The following ADAP2 variants were observed in gnomAD, a reference collection of about 807,000 sequenced individuals.
ADAP2 encodes arf-GAP with dual PH domain-containing protein 2.
ADAP2 carries 42 observed loss-of-function variants against 54.9 expected under a neutral mutation model. The ratio of observed to expected loss-of-function variants is 0.77; its 90% CI spans 0.60 to 0.99. The LOEUF (loss-of-function observed/expected upper bound fraction) is 0.99. ADAP2 is among the 50% of genes least tolerant of loss of function. ADAP2 has a pLI of 0.00. For missense variants in ADAP2, 429 were observed against 480.4 expected, an observed-to-expected ratio of 0.89 and a Z score of 1.00; for synonymous variants, 177 against 180.1, an observed-to-expected ratio of 0.98 and a Z score of 0.14.
At chr17:30,957,653 A>T (rs1328236818) in intron 10 of ADAP2, among the ~76,000 whole-genome samples, 182 bp from the exon 11 acceptor site, 1 of 150,662 alleles carries the variant, frequency 6.6e-6, no homozygotes, top group African/African-American at 2.4e-5. Context: ...CTGGTCTCGA[A>T]CTCCTGAGCT....
chr17:30,927,445 C>G (rs1911141439), intron 3 of ADAP2, among the ~76,000 whole-genome samples: 1 of 151,784 alleles, frequency 6.6e-6, no homozygotes, highest in South Asian at 2.1e-4. Context: ...AAGCCTGTCT[C>G]TACTAAAAAT....
chr17:30,937,764 A>G (rs988370030), intron 5 of ADAP2, among the ~76,000 whole-genome samples: 2 of 152,208 alleles, frequency 1.3e-5, no homozygotes, highest in African/African-American at 4.8e-5. Context: ...ATCAAGGATG[A>G]TTCCCAGATT....
chr17:30,955,634 G>A lies in ADAP2; in HGVS notation c.883-607G>A, dbSNP rs372038951. Reference sequence around the variant, plus strand: ...AGGCAGGAGAATCGCTTGAAACCGGGAGGCAGAGGGTGCAGAGGGTGCATG... The same window carrying A: ...AGGCAGGAGAATCGCTTGAAACCGGAAGGCAGAGGGTGCAGAGGGTGCATG... On this transcript the variant is annotated intron_variant, in intron 9 of 10. Coordinates refer to ENST00000330889, the MANE Select transcript of ADAP2 (RefSeq NM_018404.3). Among the ~76,000 whole-genome samples, 10 of 151,874 alleles carry A rather than the reference G, an allele frequency of 6.6e-5. No individual in the cohort carries two copies. The South Asian group carries it at 1.9e-3, about 28-fold the overall frequency.
chr17:30,953,633 T>A (rs1169647233), intron 8 of ADAP2, among the ~76,000 whole-genome samples: 1 of 152,080 alleles, frequency 6.6e-6, no homozygotes, highest in Non-Finnish European at 1.5e-5. Flanking sequence ...GCCTCCCAGA[T>A]TCAAGCGATT....
At chr17:30,936,041 C>T (rs568298786) in intron 5 of ADAP2, among the ~76,000 whole-genome samples, 1 of 152,106 alleles carries the variant, frequency 6.6e-6, no homozygotes, top group Non-Finnish European at 1.5e-5. Context: ...ACACCTTATC[C>T]CTTAGCTGTA....
intron 9 of ADAP2, 112 bp downstream of exon 9, chr17:30,954,667 T>C: frequency 1.1e-6 from 1 of 890,926 alleles, no homozygotes; most frequent in Non-Finnish European, 1.8e-6. Context: ...GCCCCAGAGC[T>C]AGAGAAACCT....
chr17:30,957,227 G>C (rs907487685), intron 10 of ADAP2, among the ~76,000 whole-genome samples: 1 of 152,102 alleles, frequency 6.6e-6, no homozygotes, highest in Admixed American at 6.6e-5. Context: ...CTCAGAAAGG[G>C]ACTTGCAAAT....
At chr17:30,936,746 A>G (rs1448813369) in intron 5 of ADAP2, among the ~76,000 whole-genome samples, 1 of 152,068 alleles carries the variant, frequency 6.6e-6, no homozygotes, top group Non-Finnish European at 1.5e-5. Flanking sequence ...TACTTTCCCC[A>G]TATTTTAATT....
chr17:30,945,132 C>T, intron 6 of ADAP2, 79 bp downstream of exon 6: 5 of 1,505,810 alleles, frequency 3.3e-6, no homozygotes, highest in Non-Finnish European at 4.5e-6. Context: ...ACCTCCCCTG[C>T]TCACTGGTGC....
Position 30,936,630 on chromosome 17 carries a change from A to C in ADAP2, c.510+2333A>C, listed in dbSNP as rs113742005. On this transcript the variant is annotated intron_variant, in intron 5 of 10. Coordinates refer to ENST00000330889, the MANE Select transcript of ADAP2 (RefSeq NM_018404.3). ...GAAATGTCTATTCAGATCCTTTCCC[A>C]TATTGGCCGGGCGCGGTGGCTCACG... Among the ~76,000 whole-genome samples, 49 of 140,302 alleles carry C rather than the reference A, an allele frequency of 3.5e-4. 1 individual carries two copies. In the East Asian group the frequency reaches 7.0e-3, roughly 20 times the overall value. 92.0% of individuals were successfully genotyped at this position (140,302 alleles called of 152,430 possible).
At chr17:30,922,814 A>C in intron 1 of ADAP2, 126 bp from the exon 2 acceptor site, 1 of 1,123,786 alleles carries the variant, frequency 8.9e-7, no homozygotes, top group South Asian at 1.5e-5. Context: ...AGAAGGTGCC[A>C]GGCTGGCCGC....
At chr17:30,927,392 T>A (rs1911137128) in intron 3 of ADAP2, among the ~76,000 whole-genome samples, 1 of 151,920 alleles carries the variant, frequency 6.6e-6, no homozygotes, top group Admixed American at 6.6e-5. Flanking sequence ...AGCGGGCAGA[T>A]CACGAGGTCA....
chr17:30,949,706 G>A (rs560264834), intron 7 of ADAP2, among the ~76,000 whole-genome samples: 8 of 144,360 alleles, frequency 5.5e-5, no homozygotes, highest in Admixed American at 3.5e-4. Context: ...CCCAGATGGC[G>A]CCGCTGCACT....
intron 3 of ADAP2, among the ~76,000 whole-genome samples, chr17:30,928,267 G>A (rs986092348): frequency 6.6e-5 from 10 of 151,122 alleles, no homozygotes; most frequent in East Asian, 3.9e-4. Context: ...AGGCCGAGGC[G>A]GGCGGATCAC....
At chr17:30,924,926 G>A (rs901343711) in intron 2 of ADAP2, among the ~76,000 whole-genome samples, 29 of 148,896 alleles carry the variant, frequency 1.9e-4, no homozygotes, top group Admixed American at 6.1e-4. Context: ...AGGCTGGAGT[G>A]CAATGATGCG....
At chr17:30,944,235 G>T (rs1358597813) in intron 5 of ADAP2, among the ~76,000 whole-genome samples, 1 of 152,158 alleles carries the variant, frequency 6.6e-6, no homozygotes, top group Non-Finnish European at 1.5e-5. Flanking sequence ...TCTCAGCAAC[G>T]TGGATTGATC....
Position 30,930,762 on chromosome 17 carries a change from A to G in ADAP2, c.318-1127A>G, listed in dbSNP as rs141286357. On this transcript the variant is annotated intron_variant, in intron 3 of 10. Coordinates refer to ENST00000330889, the MANE Select transcript of ADAP2 (RefSeq NM_018404.3). ...GGTAAGGTCATATATACCTTGGAAC[A>G]CTTCCCTGGAAAAGGTGAGCAGGAA... 3.9e-5 allele frequency among the ~76,000 whole-genome samples: 6 copies of G among 152,276 alleles called. No individual in the cohort carries two copies. The East Asian group carries it at 1.2e-3, about 29-fold the overall frequency.
intron 5 of ADAP2, among the ~76,000 whole-genome samples, chr17:30,943,104 G>A (rs1218008001): frequency 6.6e-6 from 1 of 152,156 alleles, no homozygotes; most frequent in Non-Finnish European, 1.5e-5. Context: ...AGTGGCTCAC[G>A]CCTGTAATCC....
chr17:30,934,402 C>G, intron 5 of ADAP2, 105 bp downstream of exon 5: 2 of 746,688 alleles, frequency 2.7e-6, no homozygotes, highest in South Asian at 1.9e-5. Context: ...TAATCTCAGC[C>G]CCTGAGAGTT....
Sources: allele counts gnomAD v4.1 joint callset (sites outside exome capture counted in the v4.1 genomes callset), GRCh38; gene constraint gnomAD v4.1.1; transcripts MANE v1.5; gene names NCBI Gene and HGNC (gene_info 2026-07-23, HGNC 2026-07-21).